Variants in FRMD4B observed in about 807,000 individuals in gnomAD.
The protein encoded by FRMD4B is FERM domain-containing protein 4B.
A neutral mutation model predicts 141.5 loss-of-function variants in FRMD4B; 74 were observed. That is an observed-to-expected ratio of 0.52 (90% CI 0.43 to 0.63). FRMD4B has a LOEUF of 0.63. Ranked by LOEUF, FRMD4B falls within the 30% of genes least tolerant of loss-of-function variation. FRMD4B has a pLI of 0.00. For synonymous variants in FRMD4B, 506 were observed against 467.9 expected (o/e 1.08, Z -1.05); for missense variants, 1,366 against 1,253.4 (o/e 1.09, Z -1.36).
At chr3:69,228,253 C>A in intron 7 of FRMD4B, 1 of 439,544 alleles carries the variant, frequency 2.3e-6, no homozygotes, top group East Asian at 7.1e-5. Context: ...CCTGAAAATT[C>A]TACACTAATA....
rs571668756 is a variant in FRMD4B at position 69,532,325 on chromosome 3, TTTCCACTGATACAC to T, written c.-129+9867_-129+9880del. Among the ~76,000 whole-genome samples, 16 of 152,320 alleles carry T rather than the reference TTTCCACTGATACAC, an allele frequency of 1.1e-4. No homozygotes were observed. In the South Asian group the frequency reaches 1.9e-3, roughly 18 times the overall value. Reference sequence around the variant, plus strand: ...GCATGACAAATAATTATACTGAAACTTTCCACTGATACACTTCCACTGATACACTGCTTAGGAAG... The same window carrying T: ...GCATGACAAATAATTATACTGAAACTTTCCACTGATACACTGCTTAGGAAG... On this transcript the variant is annotated intron_variant, in intron 1 of 5. Coordinates refer to the FRMD4B transcript ENST00000459638.
rs776981229 is a variant in FRMD4B, at chr3:69,339,665, G to A, written c.163-26148C>T. Among the ~76,000 whole-genome samples the A allele has an allele frequency of 2.0e-5, 3 of 152,256 alleles. No individual in the cohort carries two copies. The East Asian group carries it at 5.8e-4, about 29-fold the overall frequency. On this transcript the variant is annotated intron_variant, in intron 1 of 22. Transcript: ENST00000398540. ...AAACAAAAAAGGCAAATATAGTTCT[G>A]CAGGCCTCGAAAAAAAGGCAGAAAA... is the stretch of plus-strand genomic sequence containing the variant.
intron 21 of FRMD4B, among the ~76,000 whole-genome samples, chr3:69,177,238 C>T (rs996289898): frequency 6.6e-6 from 1 of 152,082 alleles, no homozygotes; most frequent in Non-Finnish European, 1.5e-5. Flanking sequence ...ACTCAGGAGG[C>T]TGAGACAGGA....
At chr3:69,358,228 G>C (rs2107457080) in intron 1 of FRMD4B, among the ~76,000 whole-genome samples, 1 of 152,288 alleles carries the variant, frequency 6.6e-6, no homozygotes, top group Non-Finnish European at 1.5e-5. Context: ...ATGTCTATCA[G>C]GTATTGGATG....
chr3:69,510,342 T>C (rs920086390), intron 1 of FRMD4B, among the ~76,000 whole-genome samples: 1 of 152,302 alleles, frequency 6.6e-6, no homozygotes, highest in East Asian at 1.9e-4. Flanking sequence ...CAGAAGTCTA[T>C]ATAAAAACTA....
intron 1 of FRMD4B, chr3:69,472,340 G>T: frequency 2.1e-6 from 1 of 479,464 alleles, no homozygotes; most frequent in Non-Finnish European, 4.2e-6. Flanking sequence ...AACTCCCTGG[G>T]ATTCTTGTTG....
At chr3:69,200,974 G>A (rs746337951) in intron 11 of FRMD4B, 2 of 397,856 alleles carry the variant, frequency 5.0e-6, no homozygotes, top group East Asian at 7.3e-5. Context: ...AAACCCTAGC[G>A]CTTTGGACTC....
chr3:69,457,669 A>T (rs200413949), intron 1 of FRMD4B, among the ~76,000 whole-genome samples: 7 of 152,196 alleles, frequency 4.6e-5, no homozygotes, highest in South Asian at 4.2e-4. Context: ...ATATTAAAAA[A>T]TTTTTTAAAG....
At chr3:69,379,849 G>A (rs972641203) in intron 1 of FRMD4B, among the ~76,000 whole-genome samples, 1 of 152,212 alleles carries the variant, frequency 6.6e-6, no homozygotes, top group African/African-American at 2.4e-5. Flanking sequence ...ACATGTAATG[G>A]ATGAGCCTGG....
chr3:69,239,422 C>G (rs914055505), intron 7 of FRMD4B, among the ~76,000 whole-genome samples: 2 of 152,088 alleles, frequency 1.3e-5, no homozygotes, highest in African/African-American at 4.8e-5. Context: ...GTTTTTAGGT[C>G]TAAGGAATTT....
intron 1 of FRMD4B, among the ~76,000 whole-genome samples, chr3:69,491,334 A>G (rs2107024362): frequency 6.6e-6 from 1 of 152,330 alleles, no homozygotes; most frequent in Admixed American, 6.5e-5. Flanking sequence ...CAAAGCATCT[A>G]GCCCTTCAGC....
rs1365969738 is a variant in FRMD4B at position 69,170,111 on chromosome 3, T to C, written c.*1750A>G. 6.6e-6 allele frequency: 1 copy of C among 152,200 alleles called. No individual in the cohort carries two copies. Among genetic ancestry groups the C allele is most frequent in the African/African-American group, 2.4e-5 (1 of 41,450 alleles). 9.4% of individuals were successfully genotyped at this position (152,200 alleles called of 1,614,324 possible). ...ATAAAAAGATGAACCATGTTTTTAATGTAAATATTTAAAAATGTACATCCC... is the reference window on the plus strand; with the variant it reads ...ATAAAAAGATGAACCATGTTTTTAACGTAAATATTTAAAAATGTACATCCC... On this transcript the variant is annotated 3_prime_UTR_variant, in exon 23 of 23. Coordinates refer to ENST00000398540, the MANE Select transcript of FRMD4B (RefSeq NM_015123.3).
chr3:69,239,412 G>A (rs751735114), intron 7 of FRMD4B, among the ~76,000 whole-genome samples: 2 of 152,092 alleles, frequency 1.3e-5, no homozygotes, highest in Non-Finnish European at 2.9e-5. Context: ...CAAGCTATTT[G>A]TTTTTAGGTC....
chr3:69,246,719 G>A (rs535304046), intron 7 of FRMD4B, among the ~76,000 whole-genome samples: 2 of 152,282 alleles, frequency 1.3e-5, no homozygotes, highest in East Asian at 3.9e-4. Flanking sequence ...GTGATTTCCA[G>A]TCCCACGCTC....
chr3:69,462,695 T>C (rs1705724937), intron 1 of FRMD4B, among the ~76,000 whole-genome samples: 1 of 152,226 alleles, frequency 6.6e-6, no homozygotes. Flanking sequence ...ACTGGCCTTG[T>C]TTCTGGCCTG....
chr3:69,542,272 G>T (rs1277891442), exon 1 of FRMD4B: 1 of 152,080 alleles, frequency 6.6e-6, no homozygotes, highest in African/African-American at 2.4e-5. Context: ...TCTCGGCTGC[G>T]CACCGCGCGG....
Position 69,483,142 on chromosome 3 carries a change from G to A in FRMD4B, c.-128-50381C>T, listed in dbSNP as rs368083019. On this transcript the variant is annotated intron_variant, in intron 1 of 5. Coordinates refer to the FRMD4B transcript ENST00000459638. ...TGAAAGAAAAATATCAACAGTGGTGGTACCAGATGTTCCAAAAGTACTCTT... is the reference window on the plus strand; with the variant it reads ...TGAAAGAAAAATATCAACAGTGGTGATACCAGATGTTCCAAAAGTACTCTT... Among the ~76,000 whole-genome samples, 4 of 152,282 alleles carry A rather than the reference G, an allele frequency of 2.6e-5. No homozygotes were observed. The East Asian group carries it at 7.7e-4, about 29-fold the overall frequency.
At chr3:69,413,109 G>A (rs1012329423) in intron 2 of FRMD4B, among the ~76,000 whole-genome samples, 30 of 152,128 alleles carry the variant, frequency 2.0e-4, no homozygotes, top group Non-Finnish European at 4.3e-4. Context: ...AGTGCCTAAT[G>A]TATAGTAGGC....
At chr3:69,390,485 G>T (rs536063319), upstream of FRMD4B, among the ~76,000 whole-genome samples, 17 of 152,312 alleles carry the variant, frequency 1.1e-4, no homozygotes, top group East Asian at 3.1e-3. Context: ...CTAGCAGGTA[G>T]AGGCCAGGGA....
Sources: gnomAD v4.1 joint callset for allele counts (sites outside exome capture counted in the v4.1 genomes callset) on GRCh38, gnomAD v4.1.1 for gene constraint, MANE v1.5 for transcripts, NCBI Gene and HGNC (gene_info 2026-07-23, HGNC 2026-07-21) for gene names.